The following DNAAF9 variants were observed in gnomAD, a reference collection of about 807,000 sequenced individuals.
DNAAF9 encodes the protein dynein axonemal assembly factor 9.
Under a neutral mutation model 167.0 loss-of-function variants are expected in DNAAF9, and 90 were observed. That is an observed-to-expected ratio of 0.54 (90% confidence interval 0.45 to 0.64). DNAAF9 has a LOEUF of 0.64. DNAAF9 is among the 30% of genes least tolerant of loss of function. DNAAF9 has a pLI of 0.00. For missense variants in DNAAF9, 1,315 were observed against 1,442.2 expected, an observed-to-expected ratio of 0.91 and a Z score of 1.43; for synonymous variants, 491 against 508.8, an observed-to-expected ratio of 0.96 and a Z score of 0.47.
Position 3,307,233 on chromosome 20 carries a change from G to A in DNAAF9, c.1679-2690C>T, listed in dbSNP as rs1255599019. The A allele has an allele frequency of 5.2e-6, 4 of 770,960 alleles. No individual in the cohort carries two copies. The East Asian group carries it at 5.1e-4, about 99-fold the overall frequency. The allele number at this position is 770,960 out of a possible 1,614,324, so 47.8% of individuals were successfully genotyped here. On this transcript the variant is annotated intron_variant, in intron 20 of 36. Coordinates refer to ENST00000252032, the MANE Select transcript of DNAAF9 (RefSeq NM_001009984.3). ...GAGGAAGACAAATTCACAAGACAGTGCTGGAAGAGCTCATTATGGGGCATG... is the reference window on the plus strand; with the variant it reads ...GAGGAAGACAAATTCACAAGACAGTACTGGAAGAGCTCATTATGGGGCATG...
At chr20:3,253,549 T>G (rs893756662) in intron 36 of DNAAF9, among the ~76,000 whole-genome samples, 177 bp downstream of exon 36, 1 of 152,072 alleles carries the variant, frequency 6.6e-6, no homozygotes, top group Non-Finnish European at 1.5e-5. Context: ...GAGACTGAAA[T>G]GAAAAGTTCG....
chr20:3,281,582 T>C (rs949529164), intron 28 of DNAAF9, 59 bp downstream of exon 28: 2 of 1,504,646 alleles, frequency 1.3e-6, no homozygotes, highest in African/African-American at 1.4e-5. Flanking sequence ...ATCTGTCTTC[T>C]TCTGGTGGGT....
At chr20:3,372,769 C>T (rs1018958491) in intron 6 of DNAAF9, among the ~76,000 whole-genome samples, 3 of 151,826 alleles carry the variant, frequency 2.0e-5, no homozygotes, top group African/African-American at 7.3e-5. Flanking sequence ...TGCTCTTGAA[C>T]GGGGATGTAC....
chr20:3,345,933 C>CA (rs199517564), intron 8 of DNAAF9, among the ~76,000 whole-genome samples: 3 of 149,620 alleles, frequency 2.0e-5, no homozygotes, highest in African/African-American at 2.5e-5. Flanking sequence ...CACTCCATCC[C>CA]AAAAAAAAAG....
Position 3,322,647 on chromosome 20 carries a change from C to T in DNAAF9, c.1310+5G>A, listed in dbSNP as rs1247301197. On this transcript the variant is annotated splice_donor_5th_base_variant and intron_variant, in intron 15 of 36. Transcript: ENST00000252032. The stretch of plus-strand genomic sequence containing the variant: ...TGTAAGGATGCACCACAATCATATA[C>T]GCACCTTCCCTGATTATTCACAGCA... 5.0e-6 allele frequency: 8 copies of T among 1,607,180 alleles called. No individual in the cohort carries two copies. Among genetic ancestry groups the T allele is most frequent in the Admixed American group, 1.7e-5 (1 of 60,000 alleles).
intron 31 of DNAAF9, 134 bp downstream of exon 31, chr20:3,264,304 C>CA (rs1261013545): frequency 2.6e-5 from 16 of 618,946 alleles, no homozygotes; most frequent in Non-Finnish European, 4.7e-5. Flanking sequence ...ACAGGCAGGC[C>CA]GTGCCAGCTG....
At chr20:3,343,956 T>C (rs991278618) in intron 8 of DNAAF9, among the ~76,000 whole-genome samples, 5 of 151,644 alleles carry the variant, frequency 3.3e-5, no homozygotes, top group African/African-American at 1.2e-4. Flanking sequence ...GTACGGTTAA[T>C]AGCAATATGA....
At chr20:3,293,376 C>G (rs1044515610) in intron 25 of DNAAF9, among the ~76,000 whole-genome samples, 2 of 147,722 alleles carry the variant, frequency 1.4e-5, no homozygotes, top group African/African-American at 5.0e-5. Context: ...AAGTGTGAGG[C>G]AAGAGCAGAT....
chr20:3,368,721 T>C (rs2083466158), intron 6 of DNAAF9, among the ~76,000 whole-genome samples: 1 of 152,062 alleles, frequency 6.6e-6, no homozygotes. Flanking sequence ...GGTTTCACCG[T>C]GTTAGCCAGG....
At chr20:3,293,789 A>G (rs6051722) in intron 25 of DNAAF9, among the ~76,000 whole-genome samples, 29,904 of 151,980 alleles carry the variant, frequency 0.2, 3,149 homozygotes, top group African/African-American at 0.25. Context: ...ATTAAGTGCA[A>G]TGTGTCAACC....
In DNAAF9 at chr20:3,330,657, T is replaced by C. The variant is rs775057666; in HGVS notation, c.1089A>G (p.Lys363=). ...YLGGDSKLPK[K]TEQIRLLSQI... Reference sequence around the variant, plus strand: ...ATATGAAGACTTACATTTGTTCAGTTTTCTTGGGCAGCTTGCTGTCACCAC... The same window carrying C: ...ATATGAAGACTTACATTTGTTCAGTCTTCTTGGGCAGCTTGCTGTCACCAC... The change falls in exon 12 of 37, where the codon AAA becomes AAG. Residue 363 remains lysine (K), a synonymous_variant. Coordinates refer to ENST00000252032, the MANE Select transcript of DNAAF9 (RefSeq NM_001009984.3). 3 of 1,600,202 alleles carry C rather than the reference T, an allele frequency of 1.9e-6. No homozygotes were observed. Among genetic ancestry groups the C allele is most frequent in the Non-Finnish European group, 2.6e-6 (3 of 1,169,072 alleles).
intron 10 of DNAAF9, among the ~76,000 whole-genome samples, chr20:3,337,966 TATATAATATATAAA>T (rs879852286): frequency 2.1e-4 from 27 of 125,776 alleles, no homozygotes; most frequent in Admixed American, 4.2e-4. Context: ...CTGATATATA[TATATAATATATAAA>T]ATATATAATA....
chr20:3,273,451 G>A (rs1372527264), intron 29 of DNAAF9, among the ~76,000 whole-genome samples: 1 of 152,146 alleles, frequency 6.6e-6, no homozygotes, highest in East Asian at 1.9e-4. Context: ...TCCAGGAAGC[G>A]TGGCGCTGGC....
Position 3,268,333 on chromosome 20 carries a change from C to T in DNAAF9, c.2786+2094G>A, listed in dbSNP as rs6051697. ...TACAGGCATGAATCACTGTGCCCGG[C>T]CCCTTTTTTTTTTTGAGATGGAGTT... On this transcript the variant is annotated intron_variant, in intron 30 of 36. Coordinates refer to ENST00000252032, the MANE Select transcript of DNAAF9 (RefSeq NM_001009984.3). Among the ~76,000 whole-genome samples the T allele has an allele frequency of 6.7e-3, 985 of 147,314 alleles. 8 individuals are homozygous for T. The highest frequency in any genetic ancestry group is 0.024 in the African/African-American group (942 of 39,818).
intron 26 of DNAAF9, among the ~76,000 whole-genome samples, chr20:3,289,083 T>C (rs558656187): frequency 4.6e-5 from 7 of 152,302 alleles, no homozygotes; most frequent in African/African-American, 1.7e-4. Flanking sequence ...CACAGTAGCG[T>C]GTGCCTGTAT....
intron 31 of DNAAF9, among the ~76,000 whole-genome samples, chr20:3,261,539 TG>T (rs1347858465): frequency 6.6e-6 from 1 of 151,416 alleles, no homozygotes; most frequent in African/African-American, 2.4e-5. Flanking sequence ...AGCTAATTTT[TG>T]TATTTTTAAT....
chr20:3,316,811 A>G lies in DNAAF9; in HGVS notation c.1469-18T>C. ...AGTGCCATCTGCAGGAACACCACAC[A>G]CATGCCAGTTAATTCCCTACCAGCT... On this transcript the variant is annotated intron_variant, in intron 17 of 36. Transcript: ENST00000252032. 3 of 1,598,824 alleles carry G rather than the reference A, an allele frequency of 1.9e-6. No homozygotes were observed. Among genetic ancestry groups the G allele is most frequent in the Non-Finnish European group, 2.6e-6 (3 of 1,168,404 alleles).
At chr20:3,302,911 T>A (rs961405225) in intron 21 of DNAAF9, among the ~76,000 whole-genome samples, 2 of 152,198 alleles carry the variant, frequency 1.3e-5, no homozygotes, top group Non-Finnish European at 2.9e-5. Context: ...TATACTTTAA[T>A]AAGTTAAATT....
At chr20:3,272,951 C>T (rs1211947125) in intron 29 of DNAAF9, among the ~76,000 whole-genome samples, 1 of 152,108 alleles carries the variant, frequency 6.6e-6, no homozygotes, top group Non-Finnish European at 1.5e-5. Flanking sequence ...GACTCCCGGC[C>T]TCCCGAGTAG....
Sources: allele counts gnomAD v4.1 joint callset (sites outside exome capture counted in the v4.1 genomes callset), GRCh38; gene constraint gnomAD v4.1.1; transcripts MANE v1.5; gene names NCBI Gene and HGNC (gene_info 2026-07-23, HGNC 2026-07-21).